The following ZNF131 variants were observed in gnomAD, a reference collection of about 807,000 sequenced individuals.
ZNF131 encodes the protein zinc finger and BTB domain containing 35.
A neutral mutation model predicts 60.0 loss-of-function variants in ZNF131; 7 were observed. The ratio of observed to expected loss-of-function variants is 0.12; its 90% CI spans 0.07 to 0.22. The LOEUF is 0.22. ZNF131 is among the 10% of genes least tolerant of loss of function. The pLI is 1.00. For missense variants in ZNF131, 493 were observed against 740.9 expected (o/e 0.67, Z 3.88); for synonymous variants, 257 against 253.2 (o/e 1.01, Z -0.14).
At chr5:43,154,245 C>T (rs936861224) in intron 4 of ZNF131, among the ~76,000 whole-genome samples, 1 of 152,058 alleles carries the variant, frequency 6.6e-6, no homozygotes, top group African/African-American at 2.4e-5. Context: ...AATCCTGTCT[C>T]TACTAAAAAT....
chr5:43,145,824 A>G (rs551466913), intron 4 of ZNF131, among the ~76,000 whole-genome samples: 49 of 152,324 alleles, frequency 3.2e-4, no homozygotes, highest in African/African-American at 1.2e-3. Context: ...AAGAGTTAAC[A>G]GTTTCAACTG....
intron 3 of ZNF131, among the ~76,000 whole-genome samples, chr5:43,130,044 T>C (rs566499063): frequency 2.6e-5 from 4 of 151,138 alleles, no homozygotes; most frequent in South Asian, 4.2e-4. Context: ...GGTGGGCAGA[T>C]TGCCTGAGCT....
rs113760514 is a variant in ZNF131 at position 43,129,907 on chromosome 5, C to T, written c.226+6597C>T. On this transcript the variant is annotated intron_variant, in intron 3 of 6. Coordinates refer to ENST00000682664, the MANE Select transcript of ZNF131 (RefSeq NM_001330707.2). ...TCCTGACCTCGTGATCTGCCTGCCT[C>T]GGCCTCCCAAAGTGCTGGGATTAGA... 1.4e-4 allele frequency among the ~76,000 whole-genome samples: 21 copies of T among 151,912 alleles called. 1 individual carries two copies. The highest frequency in any genetic ancestry group is 4.8e-4 in the African/African-American group (20 of 41,500).
At chr5:43,161,111 G>A in intron 4 of ZNF131, 138 bp from the exon 5 acceptor site, 1 of 729,178 alleles carries the variant, frequency 1.4e-6, no homozygotes, top group Non-Finnish European at 2.2e-6. Context: ...TTTAAGTCTT[G>A]AAATCAGGTA....
Position 43,123,596 on chromosome 5 carries a change from A to G in ZNF131, c.226+286A>G, listed in dbSNP as rs564617682. 9 of 265,890 alleles carry G rather than the reference A, an allele frequency of 3.4e-5. No homozygotes were observed. The South Asian group carries it at 6.2e-4, about 18-fold the overall frequency. The allele number at this position is 265,890 out of a possible 1,614,324, so 16.5% of individuals were successfully genotyped here. ...TTTTCCATTGTGGAAACTGGTGGTC[A>G]TTGTTTTTTGAAAACAAGTATTAAA... On this transcript the variant is annotated intron_variant, in intron 3 of 6. Transcript: ENST00000682664.
rs920142230 is a variant in ZNF131 at position 43,125,636 on chromosome 5, C to T, written c.226+2326C>T. 5.9e-5 allele frequency among the ~76,000 whole-genome samples: 9 copies of T among 151,822 alleles called. No individual in the cohort carries two copies. In the South Asian group the frequency reaches 8.3e-4, roughly 14 times the overall value. On this transcript the variant is annotated intron_variant, in intron 3 of 6. Transcript: ENST00000682664. ...TCTCTACTAAAAATATAAAATTAGC[C>T]GGGCGTGGTGGTGGGCACCTGTAAT...
intron 5 of ZNF131, among the ~76,000 whole-genome samples, chr5:43,163,038 C>G (rs1485989938): frequency 8.2e-6 from 1 of 121,786 alleles, no homozygotes; most frequent in Non-Finnish European, 1.6e-5. Context: ...GTGGCACGAT[C>G]TTGGCTCACT....
intron 3 of ZNF131, among the ~76,000 whole-genome samples, chr5:43,130,498 GGTT>G (rs1745201655): frequency 6.6e-6 from 1 of 151,994 alleles, no homozygotes. Context: ...TAATAGTGCT[GGTT>G]GTTAAATGAG....
At chr5:43,155,156 A>G (rs1334533749) in intron 4 of ZNF131, among the ~76,000 whole-genome samples, 1 of 152,184 alleles carries the variant, frequency 6.6e-6, no homozygotes, top group Admixed American at 6.5e-5. Flanking sequence ...TTTGGGCAAC[A>G]GTTAGGGAGC....
chr5:43,151,679 C>G (rs1291469503), intron 4 of ZNF131, among the ~76,000 whole-genome samples: 3 of 152,172 alleles, frequency 2.0e-5, no homozygotes, highest in Non-Finnish European at 4.4e-5. Context: ...AAGTAACACA[C>G]CTGCCTCGGA....
At chr5:43,164,491 A>G (rs1029882942) in intron 5 of ZNF131, among the ~76,000 whole-genome samples, 51 of 152,354 alleles carry the variant, frequency 3.3e-4, no homozygotes, top group African/African-American at 1.2e-3. Flanking sequence ...ACAATAAACA[A>G]ACATTGGTAA....
Position 43,161,268 on chromosome 5 carries a change from C to T in ZNF131, c.391C>T (p.Pro131Ser). 5 of 1,609,564 alleles carry T rather than the reference C, an allele frequency of 3.1e-6. No homozygotes were observed. The highest frequency in any genetic ancestry group is 4.2e-6 in the Non-Finnish European group (5 of 1,178,492). ...LEVRNKENSA[P>S]LEENTTGKNE... Reference sequence around the variant, plus strand: ...TTTCAGGAACAAAGAAAACTCAGCTCCCTTAGAGGAAAATACCACAGGAAA... The same window carrying T: ...TTTCAGGAACAAAGAAAACTCAGCTTCCTTAGAGGAAAATACCACAGGAAA... Residue 131 changes from proline to serine, a missense_variant, in exon 5 of 7, where the codon CCC (proline) becomes TCC (serine). Pro to Ser is a moderately conservative substitution (Grantham distance 74). This residue lies in a region of ZNF131 where 138 missense variants were observed against 158.7 expected (regional missense o/e 0.87). Transcript: ENST00000682664.
chr5:43,121,295 G>A (rs1374672081), intron 1 of ZNF131, among the ~76,000 whole-genome samples, 172 bp downstream of exon 1: 1 of 152,204 alleles, frequency 6.6e-6, no homozygotes, highest in Non-Finnish European at 1.5e-5. Context: ...GAAGGGCAAT[G>A]ACTTAGGTTC....
intron 5 of ZNF131, among the ~76,000 whole-genome samples, chr5:43,162,630 G>A (rs770226973): frequency 4.0e-5 from 6 of 150,062 alleles, no homozygotes; most frequent in Admixed American, 2.7e-4. Flanking sequence ...GCGGCCAGGC[G>A]CGGTGGCTCA....
At chr5:43,141,994 A>T (rs879873129) in intron 4 of ZNF131, among the ~76,000 whole-genome samples, 10 of 151,972 alleles carry the variant, frequency 6.6e-5, no homozygotes, top group Non-Finnish European at 1.5e-4. Context: ...TCCCCCATGC[A>T]TGAGCCTTAT....
At chr5:43,161,998 C>T in intron 5 of ZNF131, 67 bp downstream of exon 5, 1 of 1,435,254 alleles carries the variant, frequency 7.0e-7, no homozygotes, top group African/African-American at 1.4e-5. Context: ...GTATCTAAAT[C>T]CTTTTTAAAA....
intron 3 of ZNF131, chr5:43,124,170 G>A (rs1490178636): frequency 6.6e-6 from 1 of 152,140 alleles, no homozygotes; most frequent in East Asian, 1.9e-4. Flanking sequence ...GGCTCTAAAA[G>A]GTTACTTGCC....
At chr5:43,122,325 A>G (rs1743970706) in intron 2 of ZNF131, 148 bp downstream of exon 2, 2 of 1,002,734 alleles carry the variant, frequency 2.0e-6, no homozygotes, top group South Asian at 1.7e-5. Flanking sequence ...CACTGGGACC[A>G]GATTGCACTT....
At chr5:43,157,650 C>G (rs906728605) in intron 4 of ZNF131, among the ~76,000 whole-genome samples, 4 of 152,304 alleles carry the variant, frequency 2.6e-5, no homozygotes, top group African/African-American at 9.6e-5. Context: ...AAAGCTACTA[C>G]TGTAACAAAG....
Sources: gnomAD v4.1 joint callset for allele counts (sites outside exome capture counted in the v4.1 genomes callset) on GRCh38, gnomAD v4.1.1 for gene constraint, gnomAD v4.1.1 regional missense constraint, MANE v1.5 for transcripts, NCBI Gene and HGNC (gene_info 2026-07-23, HGNC 2026-07-21) for gene names.